SHISA9: variants seen among roughly 807,000 people sequenced by gnomAD.
SHISA9 encodes the protein protein shisa-9.
A neutral mutation model predicts 38.0 loss-of-function variants in SHISA9; 13 were observed. The ratio of observed to expected loss-of-function variants is 0.34; its 90% CI spans 0.22 to 0.54. The LOEUF (loss-of-function observed/expected upper bound fraction) is 0.54. Among genes scored for constraint, SHISA9 ranks in the 20% least tolerant of loss-of-function variants. The probability of loss-of-function intolerance (pLI) is 0.91; values close to 1 mark genes in which losing one functional copy is unlikely to be tolerated. For synonymous variants in SHISA9, 275 were observed against 242.0 expected, an observed-to-expected ratio of 1.14 and a Z score of -1.27; for missense variants, 538 against 575.8, an observed-to-expected ratio of 0.93 and a Z score of 0.67.
chr16:13,007,191 A>T (rs2072609178), intron 2 of SHISA9, among the ~76,000 whole-genome samples: 1 of 152,262 alleles, frequency 6.6e-6, no homozygotes, highest in Admixed American at 6.5e-5. Flanking sequence ...TCTGGACTTG[A>T]CATTCTATTA....
rs962435068 is a variant in SHISA9, at chr16:13,239,623, C to T, written c.*4214C>T. The T allele has an allele frequency of 2.0e-5, 3 of 152,214 alleles. No homozygotes were observed. Among genetic ancestry groups the T allele is most frequent in the African/African-American group, 7.2e-5 (3 of 41,440 alleles). The allele number at this position is 152,214 out of a possible 1,614,324, so 9.4% of individuals were successfully genotyped here. A position where few individuals can be genotyped will look rare whatever the true frequency, so the allele number is the denominator to read the frequency against. On this transcript the variant is annotated 3_prime_UTR_variant, in exon 5 of 5. Coordinates refer to ENST00000558583, the MANE Select transcript of SHISA9 (RefSeq NM_001145204.3). ...CATTTTTTCATGTGTCTTTTGACTGCATAAATGTCTTTTGAGAAGTGTCTG... is the reference window on the plus strand; with the variant it reads ...CATTTTTTCATGTGTCTTTTGACTGTATAAATGTCTTTTGAGAAGTGTCTG...
intron 2 of SHISA9, among the ~76,000 whole-genome samples, chr16:12,985,347 C>A (rs1296889133): frequency 6.6e-6 from 1 of 152,084 alleles, no homozygotes; most frequent in African/African-American, 2.4e-5. Context: ...CTTGGAATTT[C>A]TCTGTTACCA....
chr16:13,155,602 GTGTC>G (rs2050537789), intron 2 of SHISA9, among the ~76,000 whole-genome samples: 1 of 151,910 alleles, frequency 6.6e-6, no homozygotes, highest in East Asian at 1.9e-4. Flanking sequence ...GTGTGTGTGT[GTGTC>G]TGTGTGCATA....
In SHISA9 at chr16:13,214,546, A is replaced by G. The variant is rs2051149748; in HGVS notation, c.895+1246A>G. On this transcript the variant is annotated intron_variant, in intron 4 of 4. Transcript: ENST00000558583. ...TGAGCTCGAACTGGGGAAAATTAGG[A>G]GACATTGCCAGGATATCAGCAAGAA... Among the ~76,000 whole-genome samples the G allele has an allele frequency of 2.6e-5, 4 of 152,134 alleles. No individual in the cohort carries two copies. In the South Asian group the frequency reaches 8.3e-4, roughly 32 times the overall value.
the SHISA9 span, among the ~76,000 whole-genome samples, chr16:13,308,707 T>C: frequency 1.3e-5 from 2 of 152,212 alleles, no homozygotes; most frequent in African/African-American, 4.8e-5. Context: ...GCTGTGAATT[T>C]ATGTTGTTGT....
chr16:13,081,659 T>C (rs1243354141), intron 2 of SHISA9, among the ~76,000 whole-genome samples: 1 of 152,014 alleles, frequency 6.6e-6, no homozygotes, highest in African/African-American at 2.4e-5. Context: ...TAGGCAGGAA[T>C]GGATCTCAGG....
At chr16:13,495,731 C>A in the SHISA9 span, among the ~76,000 whole-genome samples, 1 of 151,124 alleles carries the variant, frequency 6.6e-6, no homozygotes, top group Admixed American at 6.6e-5. Context: ...AAAAGAAGGG[C>A]AAAAAAGAAA....
At position 13,175,907 on chromosome 16, in the gene SHISA9, C is replaced by T. The variant is rs575745528; in HGVS notation, c.692-27487C>T. On this transcript the variant is annotated intron_variant, in intron 2 of 4. Transcript: ENST00000558583. ...AGAGAGAAACTAGTTAGGTACAAAT[C>T]CAGAGGGCTATTGAGTTGGCAGAAC... 6.6e-5 allele frequency among the ~76,000 whole-genome samples: 10 copies of T among 152,226 alleles called. No homozygotes were observed. The South Asian group carries it at 1.5e-3, about 22-fold the overall frequency.
chr16:13,050,901 TG>T (rs1295393334), intron 2 of SHISA9, among the ~76,000 whole-genome samples: 1 of 152,236 alleles, frequency 6.6e-6, no homozygotes, highest in African/African-American at 2.4e-5. Flanking sequence ...GTTGCTGTCC[TG>T]GGTAAACCCC....
rs181389088 is a variant in SHISA9 at position 13,007,115 on chromosome 16, G to A, written c.691+90300G>A. Among the ~76,000 whole-genome samples, 410 of 152,190 alleles carry A rather than the reference G, an allele frequency of 2.7e-3. 2 individuals are homozygous for A. The highest frequency in any genetic ancestry group is 9.2e-3 in the African/African-American group (381 of 41,510). ...TTCTAGATACTAGAGATAATACAAC[G>A]TACAACACAGACTAACTCGTTCTCT... On this transcript the variant is annotated intron_variant, in intron 2 of 4. Transcript: ENST00000558583.
At chr16:13,336,436 T>C in the SHISA9 span, among the ~76,000 whole-genome samples, 1 of 152,238 alleles carries the variant, frequency 6.6e-6, no homozygotes, top group African/African-American at 2.4e-5. Context: ...TTTTAATTAC[T>C]TAATTATTTT....
chr16:12,968,217 A>AG (rs2072007038), intron 2 of SHISA9, among the ~76,000 whole-genome samples: 1 of 121,900 alleles, frequency 8.2e-6, no homozygotes, highest in Non-Finnish European at 1.8e-5. Context: ...AAAAAAAAAA[A>AG]AAAAAAAAAT....
At position 13,236,440 on chromosome 16, in the gene SHISA9, A is replaced by G. The variant is rs1347639197; in HGVS notation, c.*1031A>G. The G allele has an allele frequency of 1.3e-5, 2 of 152,164 alleles. No individual in the cohort carries two copies. Among genetic ancestry groups the G allele is most frequent in the Non-Finnish European group, 2.9e-5 (2 of 68,038 alleles). 9.4% of individuals were successfully genotyped at this position (152,164 alleles called of 1,614,324 possible). On this transcript the variant is annotated 3_prime_UTR_variant, in exon 5 of 5. Transcript: ENST00000558583. ...TTTGCCTCCAAGACCTGAAACAGCC[A>G]CAGAAACAAGTCCTCTATAAACTGT... is the stretch of plus-strand genomic sequence containing the variant.
chr16:13,198,554 C>G (rs967629688), intron 2 of SHISA9, among the ~76,000 whole-genome samples: 3 of 152,104 alleles, frequency 2.0e-5, no homozygotes, highest in Non-Finnish European at 2.9e-5. Context: ...TTCTTGGATT[C>G]CAACCTGGGC....
the SHISA9 span, among the ~76,000 whole-genome samples, chr16:13,490,397 A>G: frequency 6.6e-6 from 1 of 152,094 alleles, no homozygotes; most frequent in African/African-American, 2.4e-5. Context: ...AAACAAACAA[A>G]CAAACAAAAA....
the SHISA9 span, among the ~76,000 whole-genome samples, chr16:13,360,781 C>A: frequency 6.6e-6 from 1 of 152,290 alleles, no homozygotes; most frequent in East Asian, 1.9e-4. Context: ...AACCTGCAAC[C>A]AGTGGGTGAT....
the SHISA9 span, among the ~76,000 whole-genome samples, chr16:13,525,418 C>A: frequency 3.3e-5 from 5 of 152,118 alleles, no homozygotes; most frequent in Non-Finnish European, 7.4e-5. Context: ...AAGCCCATAA[C>A]AAAAAACTGG....
chr16:13,323,415 A>G, the SHISA9 span, among the ~76,000 whole-genome samples: 1 of 152,224 alleles, frequency 6.6e-6, no homozygotes, highest in Non-Finnish European at 1.5e-5. Context: ...TTGGCGCTTG[A>G]CATGGTTAAA....
rs200522375 is a variant in SHISA9, at chr16:13,064,709, T to A, written c.692-138685T>A. Among the ~76,000 whole-genome samples, 6 of 151,758 alleles carry A rather than the reference T, an allele frequency of 4.0e-5. No homozygotes were observed. In the East Asian group the frequency reaches 1.2e-3, roughly 29 times the overall value. On this transcript the variant is annotated intron_variant, in intron 2 of 4. Transcript: ENST00000558583. ...ATTAAAAGAAAACTTCAAATTTTTC[T>A]GTTTTCAGATTTTTTTCTACAATGA... is the stretch of plus-strand genomic sequence containing the variant.
Sources: allele counts gnomAD v4.1 joint callset (sites outside exome capture counted in the v4.1 genomes callset), GRCh38; gene constraint gnomAD v4.1.1; transcripts MANE v1.5; gene names NCBI Gene and HGNC (gene_info 2026-07-23, HGNC 2026-07-21).